Variants in LINGO1 observed in about 807,000 individuals in gnomAD.
LINGO1 encodes leucine-rich repeat and immunoglobulin-like domain-containing nogo receptor-interacting protein 1.
Under a neutral mutation model 37.3 loss-of-function variants are expected in LINGO1, and 11 were observed. The ratio of observed to expected loss-of-function variants is 0.29; its 90% confidence interval spans 0.19 to 0.49. The LOEUF is 0.49. Among genes scored for constraint, LINGO1 ranks in the 20% least tolerant of loss-of-function variants. The pLI, the probability that LINGO1 is intolerant of heterozygous loss-of-function variation, is 0.99. For synonymous variants in LINGO1, 387 were observed against 403.0 expected (o/e 0.96, Z 0.48); for missense variants, 585 against 878.2 (o/e 0.67, Z 4.22).
chr15:77,768,182 C>T (rs139383222), intron 1 of LINGO1, among the ~76,000 whole-genome samples: 17 of 152,314 alleles, frequency 1.1e-4, no homozygotes, highest in Admixed American at 2.0e-4. Flanking sequence ...GGACCCCAGC[C>T]TCCCAGCAAC....
At chr15:77,729,967 T>C (rs2076139186) in intron 2 of LINGO1, among the ~76,000 whole-genome samples, 1 of 152,216 alleles carries the variant, frequency 6.6e-6, no homozygotes, top group Admixed American at 6.5e-5. Context: ...TAGGTATAAA[T>C]ATAAAAATAG....
At chr15:77,663,602 A>T (rs906182783) in intron 3 of LINGO1, among the ~76,000 whole-genome samples, 1 of 152,174 alleles carries the variant, frequency 6.6e-6, no homozygotes, top group African/African-American at 2.4e-5. Flanking sequence ...CCTCTGAGGC[A>T]TCCTACCCAG....
At chr15:77,641,329 GGGA>G (rs1398258535) in intron 3 of LINGO1, among the ~76,000 whole-genome samples, 9 of 152,196 alleles carry the variant, frequency 5.9e-5, no homozygotes, top group Non-Finnish European at 1.5e-5. Flanking sequence ...TTAAGAGCAG[GGGA>G]GTTTGAACCA....
intron 2 of LINGO1, among the ~76,000 whole-genome samples, chr15:77,721,383 C>A (rs547937757): frequency 6.6e-6 from 1 of 152,130 alleles, no homozygotes; most frequent in Non-Finnish European, 1.5e-5. Flanking sequence ...CTCACACATT[C>A]ATCCTGCAGT....
rs548153769 is a variant in LINGO1, at chr15:77,677,158, C to T, written c.-82G>A. On this transcript the variant is annotated 5_prime_UTR_variant, in exon 3 of 4. Coordinates refer to the LINGO1 transcript ENST00000559893. ...GCCTGGGGTGCGGCAGCCTGTCCGTCGCGGTCCCAGCATGCACTGTGCGGG... is the reference window on the plus strand; with the variant it reads ...GCCTGGGGTGCGGCAGCCTGTCCGTTGCGGTCCCAGCATGCACTGTGCGGG... 129 of 152,598 alleles carry T rather than the reference C, an allele frequency of 8.5e-4. 1 individual carries two copies. Among genetic ancestry groups the T allele is most frequent in the Non-Finnish European group, 1.3e-3 (87 of 68,272 alleles). 9.5% of individuals were successfully genotyped at this position (152,598 alleles called of 1,614,324 possible). A position where few individuals can be genotyped will look rare whatever the true frequency, so the allele number is the denominator to read the frequency against.
rs1440622963 is a variant in LINGO1, at chr15:77,763,556, C to T, written c.-257+23313G>A. Reference sequence around the variant, plus strand: ...CCTCGAATATGTCCCCATGCAGCCCCACTGCTCTGCCATTCTCCCAGGTGC... The same window carrying T: ...CCTCGAATATGTCCCCATGCAGCCCTACTGCTCTGCCATTCTCCCAGGTGC... On this transcript the variant is annotated intron_variant, in intron 1 of 3. Coordinates refer to the LINGO1 transcript ENST00000561686. Among the ~76,000 whole-genome samples the T allele has an allele frequency of 2.6e-5, 4 of 152,212 alleles. No individual in the cohort carries two copies. The South Asian group carries it at 6.2e-4, about 24-fold the overall frequency.
chr15:77,699,564 A>C (rs958674862), upstream of LINGO1, among the ~76,000 whole-genome samples: 1 of 34,014 alleles, frequency 2.9e-5, no homozygotes, highest in Non-Finnish European at 6.3e-5. Flanking sequence ...CCCTGCACAC[A>C]GTAAAGCACA....
intron 2 of LINGO1, among the ~76,000 whole-genome samples, chr15:77,713,221 T>C (rs1311260819): frequency 1.1e-5 from 1 of 95,018 alleles, no homozygotes; most frequent in Non-Finnish European, 2.7e-5. Flanking sequence ...TGTGTGTGTG[T>C]GTGTGTGTGT....
chr15:77,652,479 G>A (rs933902388), intron 3 of LINGO1, among the ~76,000 whole-genome samples: 2 of 80,574 alleles, frequency 2.5e-5, no homozygotes, highest in Admixed American at 1.3e-4. Flanking sequence ...AGCTGGGGAG[G>A]GAGAGTGTGT....
Position 77,614,913 on chromosome 15 carries a change from G to C in LINGO1, c.994C>G (p.Arg332Gly). 1 of 1,613,840 alleles carries C rather than the reference G, an allele frequency of 6.2e-7. No individual in the cohort carries two copies. Among genetic ancestry groups the C allele is most frequent in the East Asian group, 2.2e-5 (1 of 44,872 alleles). Residue 332 changes from arginine to glycine, a missense_variant, in exon 2 of 2, where the codon CGC becomes GGC. Arg to Gly is a moderately radical substitution (Grantham distance 125). Transcript: ENST00000355300. ...AGCACGCGCAGGTAGTTGAGGCCGC[G>C]GAAGGCATAGGGCTCCACCACGGCC... ...QLAVVEPYAF[R>G]GLNYLRVLNV...
intron 1 of LINGO1, among the ~76,000 whole-genome samples, chr15:77,744,122 C>T (rs1185575584): frequency 2.0e-5 from 3 of 152,320 alleles, no homozygotes; most frequent in East Asian, 1.9e-4. Context: ...TCTGTCTGCA[C>T]ATCAGGCACC....
intron 3 of LINGO1, among the ~76,000 whole-genome samples, chr15:77,675,641 C>T (rs2075314604): frequency 6.6e-6 from 1 of 152,100 alleles, no homozygotes. Flanking sequence ...GAGGAAAAGA[C>T]TACAGAAGGG....
At chr15:77,657,523 C>T (rs952596871) in intron 3 of LINGO1, among the ~76,000 whole-genome samples, 10 of 152,224 alleles carry the variant, frequency 6.6e-5, no homozygotes, top group African/African-American at 2.4e-4. Context: ...ATTCCCATGA[C>T]TATCAGAATC....
intron 1 of LINGO1, among the ~76,000 whole-genome samples, chr15:77,694,121 T>C (rs922603710): frequency 1.3e-5 from 2 of 152,118 alleles, no homozygotes; most frequent in Non-Finnish European, 2.9e-5. Flanking sequence ...TGCCATGAGC[T>C]TCTTCAATTC....
In LINGO1 at chr15:77,614,883, C is replaced by T. The variant is rs771055276; in HGVS notation, c.1024G>A (p.Val342Ile). ...RGLNYLRVLN[V>I]SGNQLTTLEE... ...AGTGTGGTCAGCTGGTTGCCAGAGA[C>T]ATTGAGCACGCGCAGGTAGTTGAGG... Residue 342 changes from valine (V) to isoleucine (I), a missense_variant, in exon 2 of 2, where the codon GTC becomes ATC. Val to Ile is a conservative substitution (Grantham distance 29). This residue lies in a region of LINGO1 where 484 missense variants were observed against 735.0 expected (regional missense o/e 0.66). Coordinates refer to ENST00000355300, the MANE Select transcript of LINGO1 (RefSeq NM_032808.7). 5 of 1,613,988 alleles carry T rather than the reference C, an allele frequency of 3.1e-6. No individual in the cohort carries two copies. The highest frequency in any genetic ancestry group is 3.4e-6 in the Non-Finnish European group (4 of 1,179,886).
intron 3 of LINGO1, among the ~76,000 whole-genome samples, chr15:77,663,297 G>A (rs981804525): frequency 3.9e-5 from 6 of 152,014 alleles, no homozygotes; most frequent in African/African-American, 7.3e-5. Context: ...GGGGTGGGGA[G>A]GCTTCCAGGA....
chr15:77,782,212 T>TAC (rs56734688), intron 1 of LINGO1, among the ~76,000 whole-genome samples: 12,406 of 150,024 alleles, frequency 0.083, 545 homozygotes, highest in Middle Eastern at 0.16. Context: ...TGCGCACGCG[T>TAC]ACACACACAC....
intron 1 of LINGO1, among the ~76,000 whole-genome samples, chr15:77,754,409 G>A (rs1287706427): frequency 3.3e-5 from 5 of 152,126 alleles, no homozygotes; most frequent in African/African-American, 1.2e-4. Context: ...GCCACCGTCC[G>A]CTTCTGAATA....
At position 77,615,351 on chromosome 15, in the gene LINGO1, C is replaced by A; in HGVS notation, c.556G>T (p.Ala186Ser). The change falls in exon 2 of 2, where the codon GCC (alanine) becomes TCC (serine). Residue 186 changes from alanine (A) to serine (S), a missense_variant. Transcript: ENST00000355300. ...TCCAGGCTGTTGAGGCCGCTGAAGG[C>A]GCGGTGAGAGATGTAGACGAGGTCA... ...DNDLVYISHR[A>S]FSGLNSLEQL... The A allele has an allele frequency of 2.5e-6, 4 of 1,613,876 alleles. No homozygotes were observed. The highest frequency in any genetic ancestry group is 3.4e-6 in the Non-Finnish European group (4 of 1,179,888).
Sources: gnomAD v4.1 joint callset for allele counts (sites outside exome capture counted in the v4.1 genomes callset) on GRCh38, gnomAD v4.1.1 for gene constraint, gnomAD v4.1.1 regional missense constraint, MANE v1.5 for transcripts, NCBI Gene and HGNC (gene_info 2026-07-23, HGNC 2026-07-21) for gene names.